Variants in RBM27 observed in about 807,000 individuals in gnomAD.
The protein encoded by RBM27 is RNA-binding protein 27.
In RBM27, 22 loss-of-function variants were observed where a neutral mutation model predicts 135.3. The observed-to-expected ratio is 0.16, with a 90% CI of 0.12 to 0.23. The LOEUF (loss-of-function observed/expected upper bound fraction) is 0.23. RBM27 is among the 10% of genes least tolerant of loss of function. RBM27 has a pLI of 1.00. For missense variants in RBM27, 1,009 were observed against 1,281.0 expected (o/e 0.79, Z 3.24); for synonymous variants, 481 against 442.4 (o/e 1.09, Z -1.10).
intron 11 of RBM27, 67 bp downstream of exon 11, chr5:146,258,660 A>G (rs1222556108): frequency 1.5e-6 from 2 of 1,320,862 alleles, no homozygotes; most frequent in Non-Finnish European, 2.0e-6. Context: ...ATTCATAAAA[A>G]TAAGATTTGT....
chr5:146,207,070 A>T, intron 1 of RBM27, among the ~76,000 whole-genome samples: 1 of 152,180 alleles, frequency 6.6e-6, no homozygotes, highest in East Asian at 1.9e-4. Context: ...TTGTAAATTT[A>T]CTTTTTTGCA....
intron 3 of RBM27, among the ~76,000 whole-genome samples, chr5:146,226,120 G>A (rs964670639): frequency 1.3e-5 from 2 of 150,840 alleles, no homozygotes; most frequent in East Asian, 2.0e-4. Flanking sequence ...TGTTTGCCTC[G>A]GCCTCCCAAA....
intron 9 of RBM27, 24 bp from the exon 10 acceptor site, chr5:146,254,907 ATTTGTTGTGTGT>A (rs1267327259): frequency 6.7e-7 from 1 of 1,485,706 alleles, no homozygotes; most frequent in Non-Finnish European, 9.1e-7. Context: ...CCTCTCTCTG[ATTTGTTGTGTGT>A]TTTGTTGCTT....
intron 2 of RBM27, among the ~76,000 whole-genome samples, chr5:146,220,699 A>G (rs567748700): frequency 6.6e-6 from 1 of 152,208 alleles, no homozygotes; most frequent in Admixed American, 6.5e-5. Flanking sequence ...TTTTGTAGAA[A>G]CAAAGCAATA....
chr5:146,263,456 CT>C (rs749824730), intron 13 of RBM27, 34 bp from the exon 14 acceptor site: 1 of 1,584,354 alleles, frequency 6.3e-7, no homozygotes, highest in Non-Finnish European at 8.6e-7. Context: ...TGTTTTTAAA[CT>C]TCTGCCACAT....
rs532013549 is a variant in RBM27, at chr5:146,274,771, G to A, written c.2988+3097G>A. On this transcript the variant is annotated intron_variant, in intron 19 of 20. Coordinates refer to ENST00000265271, the MANE Select transcript of RBM27 (RefSeq NM_018989.2). The stretch of plus-strand genomic sequence containing the variant: ...AAATACATAGAATATTTAATTTACA[G>A]TGCAGGTTATATATATAACAGCATA... Among the ~76,000 whole-genome samples, 4 of 152,080 alleles carry A rather than the reference G, an allele frequency of 2.6e-5. No homozygotes were observed. In the South Asian group the frequency reaches 8.3e-4, roughly 32 times the overall value.
At position 146,237,188 on chromosome 5, in the gene RBM27, C is replaced by G. The variant is rs923730410; in HGVS notation, c.1145-110C>G. ...TCCTGACCTCAGGTGATCCGCCTGT[C>G]TTGGCCTCCCACAGTTCTGGATTAC... On this transcript the variant is annotated intron_variant, in intron 7 of 20. Transcript: ENST00000265271. 7 of 1,328,748 alleles carry G rather than the reference C, an allele frequency of 5.3e-6. No homozygotes were observed. The African/African-American group carries it at 1.0e-4, about 19-fold the overall frequency. The allele number at this position is 1,328,748 out of a possible 1,614,324, so 82.3% of individuals were successfully genotyped here. A position where few individuals can be genotyped will look rare whatever the true frequency, so the allele number is the denominator to read the frequency against.
intron 9 of RBM27, among the ~76,000 whole-genome samples, chr5:146,254,413 A>G (rs1025317461): frequency 6.6e-6 from 1 of 151,038 alleles, no homozygotes; most frequent in South Asian, 2.1e-4. Flanking sequence ...GCATATATCT[A>G]TATTCTGTAA....
intron 6 of RBM27, 33 bp from the exon 7 acceptor site, chr5:146,233,417 A>G (rs761336343): frequency 2.7e-6 from 4 of 1,501,494 alleles, no homozygotes; most frequent in Middle Eastern, 1.8e-4. Flanking sequence ...AGTAGATGAT[A>G]ATAAGATTCT....
At chr5:146,250,903 A>G (rs1757856531) in intron 8 of RBM27, among the ~76,000 whole-genome samples, 1 of 148,932 alleles carries the variant, frequency 6.7e-6, no homozygotes, top group South Asian at 2.1e-4. Flanking sequence ...CAGCCTCCCT[A>G]GTAGTTGGGA....
At chr5:146,220,643 A>G (rs17104318) in intron 2 of RBM27, among the ~76,000 whole-genome samples, 10,184 of 152,116 alleles carry the variant, frequency 0.067, 391 homozygotes, top group African/African-American at 0.076. Context: ...TGGCTTCTCA[A>G]TCTAAAACAT....
intron 20 of RBM27, 126 bp downstream of exon 20, chr5:146,284,858 G>A (rs543891614): frequency 2.3e-5 from 13 of 570,062 alleles, no homozygotes; most frequent in South Asian, 1.0e-4. Context: ...ATTAAGACCC[G>A]TTTAGATGTT....
At position 146,203,728 on chromosome 5, in the gene RBM27, TGAA is replaced by T. The variant is rs1276044963; in HGVS notation, c.-32_-30del. ...GCGTAGTGGAGACCCACGGCAGGCC[TGAA>T]GAAGAGCGGCGGCCGAGCCCGCCTT... On this transcript the variant is annotated 5_prime_UTR_variant, in exon 1 of 21. Transcript: ENST00000265271. 6.5e-7 allele frequency: 1 copy of T among 1,545,292 alleles called. No homozygotes were observed. The highest frequency in any genetic ancestry group is 8.8e-7 in the Non-Finnish European group (1 of 1,142,246).
intron 1 of RBM27, 116 bp from the exon 2 acceptor site, chr5:146,218,869 T>A: frequency 1.7e-6 from 1 of 591,318 alleles, no homozygotes; most frequent in South Asian, 2.6e-5. Context: ...TTGTGGTCAC[T>A]TTTTAGAATA....
At chr5:146,267,547 A>T in intron 14 of RBM27, 102 bp from the exon 15 acceptor site, 3 of 730,886 alleles carry the variant, frequency 4.1e-6, no homozygotes, top group Non-Finnish European at 2.2e-6. Context: ...TTTAACTCCT[A>T]AGAAGAGTAG....
chr5:146,250,770 C>CTTTTTT (rs58027855), intron 8 of RBM27, among the ~76,000 whole-genome samples: 85 of 72,670 alleles, frequency 1.2e-3, no homozygotes, highest in Non-Finnish European at 1.3e-3. Context: ...TTTTTTTGTC[C>CTTTTTT]TTTTTTTTTT....
Position 146,229,865 on chromosome 5 carries a change from C to A in RBM27, c.544C>A (p.Arg182=), listed in dbSNP as rs1257037128. ...TCGAGGCCTGAGTCGCAGTAGAAGCCGAAGTAGGGGGCGCAGCAAAGACCG... is the reference window on the plus strand; with the variant it reads ...TCGAGGCCTGAGTCGCAGTAGAAGCAGAAGTAGGGGGCGCAGCAAAGACCG... ...KSRGLSRSRS[R]SRGRSKDRDP... is the part of the protein sequence containing the mutation. Residue 182 remains arginine, a synonymous_variant, in exon 5 of 21, where the codon CGA becomes AGA. Coordinates refer to ENST00000265271, the MANE Select transcript of RBM27 (RefSeq NM_018989.2). The A allele has an allele frequency of 1.1e-5, 17 of 1,613,708 alleles. No individual in the cohort carries two copies. Among genetic ancestry groups the A allele is most frequent in the African/African-American group, 1.3e-5 (1 of 74,870 alleles).
At chr5:146,216,103 C>T (rs1756181395) in intron 1 of RBM27, among the ~76,000 whole-genome samples, 1 of 152,132 alleles carries the variant, frequency 6.6e-6, no homozygotes, top group African/African-American at 2.4e-5. Context: ...GTTGCCCATG[C>T]TGGAGTGCAG....
chr5:146,267,841 T>A, intron 15 of RBM27, 73 bp downstream of exon 15: 1 of 1,443,388 alleles, frequency 6.9e-7, no homozygotes, highest in Non-Finnish European at 9.6e-7. Flanking sequence ...CATTATCACT[T>A]TTAAATCAGT....
Sources: gnomAD v4.1 joint callset for allele counts (sites outside exome capture counted in the v4.1 genomes callset) on GRCh38, gnomAD v4.1.1 for gene constraint, MANE v1.5 for transcripts, NCBI Gene and HGNC (gene_info 2026-07-23, HGNC 2026-07-21) for gene names.